DCC: variants seen among roughly 807,000 people sequenced by gnomAD.
The protein encoded by DCC is netrin receptor DCC.
In DCC, 58 loss-of-function variants were observed where a neutral mutation model predicts 172.5. The ratio of observed to expected loss-of-function variants is 0.34; its 90% confidence interval spans 0.27 to 0.42. The LOEUF (loss-of-function observed/expected upper bound fraction) is 0.42. DCC is among the 10% of genes least tolerant of loss of function. The pLI, the probability that DCC is intolerant of heterozygous loss-of-function variation, is 1.00. For missense variants in DCC, 1,740 were observed against 1,791.0 expected (o/e 0.97, Z 0.51); for synonymous variants, 709 against 644.5 (o/e 1.10, Z -1.52).
At chr18:52,601,567 T>C (rs764898295) in intron 1 of DCC, among the ~76,000 whole-genome samples, 2 of 152,070 alleles carry the variant, frequency 1.3e-5, no homozygotes, top group Admixed American at 6.6e-5. Context: ...TAATGCCACA[T>C]AAATATGAAC....
Position 53,459,387 on chromosome 18 carries a change from G to C in DCC, c.3548G>C (p.Cys1183Ser). The change falls in exon 24 of 29, where the codon TGC (cysteine) becomes TCC (serine). Residue 1183 changes from cysteine to serine, a missense_variant. Cys to Ser is a moderately radical substitution (Grantham distance 112, BLOSUM62 -1). Around this residue, in one of 2 missense-constraint regions of DCC, gnomAD observed 1,732 missense variants for 1,767.4 expected, o/e 0.98. Coordinates refer to ENST00000442544, the MANE Select transcript of DCC (RefSeq NM_005215.4). ...PAGRDSPIQS[C>S]QDLTPVSHSQ... Reference sequence around the variant, plus strand: ...GGAAGGGACTCTCCCATCCAAAGTTGCCAAGACCTCACACCAGTCAGCCAC... The same window carrying C: ...GGAAGGGACTCTCCCATCCAAAGTTCCCAAGACCTCACACCAGTCAGCCAC... 6.2e-7 allele frequency: 1 copy of C among 1,614,046 alleles called. No individual in the cohort carries two copies. Among genetic ancestry groups the C allele is most frequent in the Non-Finnish European group, 8.5e-7 (1 of 1,179,992 alleles).
chr18:53,182,570 G>A (rs1201983571), intron 9 of DCC, among the ~76,000 whole-genome samples: 1 of 152,160 alleles, frequency 6.6e-6, no homozygotes, highest in African/African-American at 2.4e-5. Flanking sequence ...AAACTCACTT[G>A]CCGTCTTTCT....
intron 2 of DCC, among the ~76,000 whole-genome samples, chr18:52,825,181 G>C (rs1017743963): frequency 3.9e-5 from 6 of 152,102 alleles, no homozygotes; most frequent in Admixed American, 3.3e-4. Flanking sequence ...ATATGACAAA[G>C]AGAATGGATG....
intron 21 of DCC, among the ~76,000 whole-genome samples, chr18:53,417,781 C>A (rs1177899330): frequency 6.6e-6 from 1 of 152,126 alleles, no homozygotes; most frequent in Non-Finnish European, 1.5e-5. Flanking sequence ...CCACTTCTCT[C>A]TGGGTACTAT....
intron 2 of DCC, among the ~76,000 whole-genome samples, chr18:52,771,882 A>AAG (rs1555659203): frequency 6.8e-4 from 103 of 150,374 alleles, no homozygotes; most frequent in African/African-American, 2.1e-3. Context: ...AAAAAAAAAA[A>AAG]AAAAGAAAAA....
At chr18:52,713,493 G>A (rs2036329161) in intron 1 of DCC, among the ~76,000 whole-genome samples, 1 of 152,194 alleles carries the variant, frequency 6.6e-6, no homozygotes. Flanking sequence ...GGTCTGGGGT[G>A]CTTGATGGCC....
intron 12 of DCC, among the ~76,000 whole-genome samples, chr18:53,226,111 G>A (rs1225235859): frequency 6.6e-6 from 1 of 152,180 alleles, no homozygotes; most frequent in Non-Finnish European, 1.5e-5. Flanking sequence ...GGGCTGAGTA[G>A]CAGCACAGGG....
intron 5 of DCC, among the ~76,000 whole-genome samples, chr18:52,939,140 C>T (rs545859976): frequency 2.6e-4 from 40 of 152,276 alleles, no homozygotes; most frequent in African/African-American, 8.9e-4. Context: ...CCATTATTCA[C>T]TAGGATCTAT....
At chr18:53,234,986 A>T (rs149402885) in intron 12 of DCC, among the ~76,000 whole-genome samples, 19 of 152,286 alleles carry the variant, frequency 1.2e-4, no homozygotes, top group African/African-American at 4.6e-4. Context: ...TTTTTGTTTG[A>T]AAAACCTCAT....
intron 13 of DCC, among the ~76,000 whole-genome samples, chr18:53,313,545 C>T (rs886580524): frequency 3.3e-5 from 5 of 152,114 alleles, no homozygotes; most frequent in African/African-American, 4.8e-5. Flanking sequence ...CGCTCCCGGC[C>T]GCATTTCTAA....
chr18:52,944,814 A>G (rs1242119417), intron 5 of DCC, among the ~76,000 whole-genome samples: 1 of 152,314 alleles, frequency 6.6e-6, no homozygotes, highest in East Asian at 1.9e-4. Flanking sequence ...GTGTGGATCA[A>G]CAACTTCATC....
intron 5 of DCC, among the ~76,000 whole-genome samples, chr18:53,029,354 G>A (rs938173347): frequency 2.0e-5 from 3 of 152,200 alleles, no homozygotes; most frequent in Non-Finnish European, 2.9e-5. Flanking sequence ...ATCCTGAAAT[G>A]TGCCTGAATG....
intron 9 of DCC, among the ~76,000 whole-genome samples, chr18:53,186,529 A>G (rs1189865977): frequency 6.6e-6 from 1 of 152,204 alleles, no homozygotes; most frequent in Non-Finnish European, 1.5e-5. Context: ...GATGAACACC[A>G]CTGAGAAAGG....
At chr18:52,754,865 G>A (rs1357212301) in intron 2 of DCC, among the ~76,000 whole-genome samples, 1 of 152,206 alleles carries the variant, frequency 6.6e-6, no homozygotes, top group Non-Finnish European at 1.5e-5. Context: ...GTCTGCTTTA[G>A]CAATGACAGA....
intron 1 of DCC, among the ~76,000 whole-genome samples, chr18:52,379,431 C>A (rs531591768): frequency 6.6e-6 from 1 of 152,086 alleles, no homozygotes; most frequent in East Asian, 1.9e-4. Context: ...AAAATTATTT[C>A]CCTTGTAGAA....
intron 28 of DCC, among the ~76,000 whole-genome samples, chr18:53,529,022 TCTCTCTCTCTCTCTCTCACACA>T (rs1427010679): frequency 3.0e-3 from 386 of 130,550 alleles, no homozygotes; most frequent in African/African-American, 7.4e-3. Flanking sequence ...TCTCTCTCTC[TCTCTCTCTCTCTCTCTCACACA>T]CACACACACA....
chr18:53,290,422 C>T (rs963072213), intron 12 of DCC, among the ~76,000 whole-genome samples: 1 of 152,146 alleles, frequency 6.6e-6, no homozygotes, highest in African/African-American at 2.4e-5. Context: ...TTTTATGAGA[C>T]ATAAATAGCT....
chr18:53,387,543 A>G (rs894077137), intron 16 of DCC, among the ~76,000 whole-genome samples: 1 of 152,210 alleles, frequency 6.6e-6, no homozygotes, highest in Admixed American at 6.5e-5. Flanking sequence ...AATATTTACT[A>G]TCAAACGTGT....
At chr18:52,386,444 T>C (rs1477394005) in intron 1 of DCC, among the ~76,000 whole-genome samples, 2 of 152,070 alleles carry the variant, frequency 1.3e-5, no homozygotes, top group East Asian at 3.9e-4. Flanking sequence ...GTAAATGATG[T>C]TTTTTCTTGA....
Sources: allele counts gnomAD v4.1 joint callset (sites outside exome capture counted in the v4.1 genomes callset), GRCh38; gene constraint gnomAD v4.1.1; regional missense constraint gnomAD v4.1.1; transcripts MANE v1.5; gene names NCBI Gene and HGNC (gene_info 2026-07-23, HGNC 2026-07-21).